Variants in RNF180 observed in about 807,000 individuals in gnomAD.
RNF180 encodes ring finger protein 180.
Under a neutral mutation model 59.2 loss-of-function variants are expected in RNF180, and 38 were observed. The observed-to-expected ratio is 0.64, with a 90% CI of 0.50 to 0.84. The LOEUF is 0.84. Among genes scored for constraint, RNF180 ranks in the 40% least tolerant of loss-of-function variants. The probability of loss-of-function intolerance (pLI) is 0.00; values close to 1 mark genes in which losing one functional copy is unlikely to be tolerated. For synonymous variants in RNF180, 262 were observed against 240.3 expected (o/e 1.09, Z -0.84); for missense variants, 705 against 700.9 (o/e 1.01, Z -0.07).
intron 7 of RNF180, among the ~76,000 whole-genome samples, 187 bp downstream of exon 7, chr5:64,330,593 CTA>C (rs1276256023): frequency 1.3e-5 from 2 of 152,222 alleles, no homozygotes; most frequent in African/African-American, 4.8e-5. Context: ...AAAATGAAGA[CTA>C]TACAATAAGA....
At chr5:64,286,932 A>G (rs1742319836) in intron 5 of RNF180, among the ~76,000 whole-genome samples, 1 of 152,144 alleles carries the variant, frequency 6.6e-6, no homozygotes, top group Admixed American at 6.6e-5. Flanking sequence ...AGAAGATAAT[A>G]GAAGACGTCA....
chr5:64,251,762 A>T (rs1743593585), intron 5 of RNF180, among the ~76,000 whole-genome samples: 1 of 152,230 alleles, frequency 6.6e-6, no homozygotes, highest in Non-Finnish European at 1.5e-5. Flanking sequence ...ACGATACAGA[A>T]TACAAAATCA....
At chr5:64,178,128 A>G (rs1750358334) in intron 1 of RNF180, among the ~76,000 whole-genome samples, 1 of 149,344 alleles carries the variant, frequency 6.7e-6, no homozygotes, top group African/African-American at 2.5e-5. Flanking sequence ...TGCTTGAACC[A>G]GGGAGTCAGA....
intron 5 of RNF180, among the ~76,000 whole-genome samples, chr5:64,238,902 A>C (rs750159836): frequency 1.3e-5 from 2 of 152,136 alleles, no homozygotes; most frequent in Non-Finnish European, 2.9e-5. Context: ...TCATGAAATC[A>C]TTCCTAAGGA....
chr5:64,240,272 G>A (rs1041557646), intron 5 of RNF180, among the ~76,000 whole-genome samples: 2 of 152,110 alleles, frequency 1.3e-5, no homozygotes, highest in Admixed American at 6.5e-5. Context: ...GACTCAAAAT[G>A]CAGATCAGTA....
chr5:64,289,254 G>T (rs1742449205), intron 5 of RNF180, among the ~76,000 whole-genome samples: 1 of 152,188 alleles, frequency 6.6e-6, no homozygotes, highest in Non-Finnish European at 1.5e-5. Context: ...CTTGATTGTA[G>T]TGTATTAGCT....
At chr5:64,358,346 G>A (rs557057069) in intron 7 of RNF180, among the ~76,000 whole-genome samples, 11 of 151,926 alleles carry the variant, frequency 7.2e-5, no homozygotes, top group East Asian at 2.0e-4. Flanking sequence ...CATGGCCTTC[G>A]TAACTTCCAG....
chr5:64,310,101 G>A (rs1244251513), intron 5 of RNF180, among the ~76,000 whole-genome samples: 1 of 151,588 alleles, frequency 6.6e-6, no homozygotes, highest in Non-Finnish European at 1.5e-5. Flanking sequence ...AAACTTACAA[G>A]AAAACCACTA....
rs2112622937 is a variant in RNF180 at position 64,369,723 on chromosome 5, T to C, written c.1688T>C (p.Met563Thr). The change falls in exon 8 of 8, where the codon ATG (methionine) becomes ACG (threonine). Residue 563 changes from methionine to threonine, a missense_variant. Coordinates refer to ENST00000389100, the MANE Select transcript of RNF180 (RefSeq NM_001113561.2). Reference protein sequence around the residue: ...EDDSRGWWFDMDMVIIYIYSV... With the variant: ...EDDSRGWWFDTDMVIIYIYSV... ...GATAGCCGTGGATGGTGGTTTGACA[T>C]GGATATGGTGATCATATATATTTAT... 1 of 1,547,908 alleles carries C rather than the reference T, an allele frequency of 6.5e-7. No homozygotes were observed. The highest frequency in any genetic ancestry group is 8.7e-7 in the Non-Finnish European group (1 of 1,144,802).
intron 1 of RNF180, 113 bp from the exon 2 acceptor site, chr5:64,200,695 A>G (rs564471679): frequency 4.8e-6 from 4 of 841,718 alleles, no homozygotes; most frequent in Non-Finnish European, 7.3e-6. Flanking sequence ...TACCTTAATA[A>G]ATGATAGTTC....
chr5:64,303,152 C>G (rs529971675), intron 5 of RNF180, among the ~76,000 whole-genome samples: 66 of 151,608 alleles, frequency 4.4e-4, no homozygotes, highest in African/African-American at 1.5e-3. Context: ...CCAACTATGC[C>G]CATATAAGAT....
chr5:64,366,386 A>G (rs1242792608), intron 7 of RNF180, among the ~76,000 whole-genome samples: 1 of 151,544 alleles, frequency 6.6e-6, no homozygotes, highest in Non-Finnish European at 1.5e-5. Flanking sequence ...AGCTGCCTTT[A>G]ACACTTTTTA....
At chr5:64,201,801 G>A (rs912411054) in intron 2 of RNF180, among the ~76,000 whole-genome samples, 13 of 152,030 alleles carry the variant, frequency 8.6e-5, no homozygotes, top group African/African-American at 2.9e-4. Context: ...GTGCAGTGGC[G>A]TGATCTTGGC....
At chr5:64,225,071 T>C (rs1741595924) in intron 5 of RNF180, among the ~76,000 whole-genome samples, 1 of 152,186 alleles carries the variant, frequency 6.6e-6, no homozygotes, top group Non-Finnish European at 1.5e-5. Flanking sequence ...AGGAATAAGA[T>C]GCTAAGTTTT....
chr5:64,256,981 A>T (rs1270537079), intron 5 of RNF180, among the ~76,000 whole-genome samples: 1 of 151,938 alleles, frequency 6.6e-6, no homozygotes, highest in African/African-American at 2.4e-5. Flanking sequence ...ATGGGAGTTC[A>T]CTCCTGATTT....
intron 5 of RNF180, among the ~76,000 whole-genome samples, chr5:64,301,239 T>C (rs952721514): frequency 1.3e-5 from 2 of 151,754 alleles, no homozygotes; most frequent in Non-Finnish European, 2.9e-5. Flanking sequence ...GACAATTAAA[T>C]TTATTCAATA....
intron 7 of RNF180, among the ~76,000 whole-genome samples, chr5:64,344,024 A>G (rs565635944): frequency 1.3e-5 from 2 of 151,808 alleles, no homozygotes; most frequent in South Asian, 4.1e-4. Flanking sequence ...TAGGATAAAT[A>G]GAAAGAAAAC....
chr5:64,178,090 G>C (rs370464588), intron 1 of RNF180, among the ~76,000 whole-genome samples: 67 of 151,634 alleles, frequency 4.4e-4, no homozygotes, highest in African/African-American at 1.5e-3. Context: ...TGTAATCCCA[G>C]CTACTCAGGA....
intron 7 of RNF180, among the ~76,000 whole-genome samples, chr5:64,350,548 C>T (rs1172755152): frequency 6.6e-6 from 1 of 152,100 alleles, no homozygotes; most frequent in Non-Finnish European, 1.5e-5. Flanking sequence ...TTAGGTCTAA[C>T]ATTTAACTCT....
Sources: gnomAD v4.1 joint callset for allele counts (sites outside exome capture counted in the v4.1 genomes callset) on GRCh38, gnomAD v4.1.1 for gene constraint, MANE v1.5 for transcripts, NCBI Gene and HGNC (gene_info 2026-07-23, HGNC 2026-07-21) for gene names.